PCDH7: variants seen among roughly 807,000 people sequenced by gnomAD.
The protein encoded by PCDH7 is protocadherin-7.
PCDH7 carries 17 observed loss-of-function variants against 58.9 expected under a neutral mutation model. The observed-to-expected ratio is 0.29, with a 90% CI of 0.20 to 0.43. The LOEUF is 0.43. Ranked by LOEUF, PCDH7 falls within the 20% of genes least tolerant of loss-of-function variation. PCDH7 has a pLI of 1.00. For synonymous variants in PCDH7, 664 were observed against 616.4 expected, an observed-to-expected ratio of 1.08 and a Z score of -1.14; for missense variants, 1,274 against 1,441.0, an observed-to-expected ratio of 0.88 and a Z score of 1.88.
chr4:30,843,476 G>A (rs1162485004), intron 1 of PCDH7, among the ~76,000 whole-genome samples: 1 of 152,124 alleles, frequency 6.6e-6, no homozygotes. Flanking sequence ...TTACAGGCGT[G>A]AGCCACTCCG....
chr4:30,923,094 ATTTGGATTTTCC>A, intron 2 of PCDH7, among the ~76,000 whole-genome samples: 1 of 152,212 alleles, frequency 6.6e-6, no homozygotes, highest in Admixed American at 6.5e-5. Flanking sequence ...TTGGATTTTC[ATTTGGATTTTCC>A]ATTAAAATAC....
At chr4:30,764,602 T>C (rs1720452277) in intron 1 of PCDH7, among the ~76,000 whole-genome samples, 1 of 152,204 alleles carries the variant, frequency 6.6e-6, no homozygotes, top group South Asian at 2.1e-4. Flanking sequence ...CTGTGTTAAC[T>C]TTGAAATACC....
At chr4:30,770,783 T>C (rs1184106731) in intron 1 of PCDH7, among the ~76,000 whole-genome samples, 1 of 152,214 alleles carries the variant, frequency 6.6e-6, no homozygotes, top group Non-Finnish European at 1.5e-5. Context: ...TTCCATTTGT[T>C]ATAACTGAAG....
Position 30,968,368 on chromosome 4 carries a change from T to TAC in PCDH7, c.*7+18160_*7+18161dup, listed in dbSNP as rs1433603042. Among the ~76,000 whole-genome samples the TAC allele has an allele frequency of 3.2e-4, 37 of 115,958 alleles. No homozygotes were observed. The East Asian group carries it at 3.5e-3, about 11-fold the overall frequency. The allele number at this position is 115,958 out of a possible 152,430, so 76.1% of individuals were successfully genotyped here. ...TATATATATACACACACTATATATA[T>TAC]ACACACACTATATATATATATATAT... On this transcript the variant is annotated intron_variant, in intron 3 of 3. Coordinates refer to the PCDH7 transcript ENST00000509759.
At chr4:30,884,561 C>G (rs1197177221) in intron 1 of PCDH7, 1 of 152,134 alleles carries the variant, frequency 6.6e-6, no homozygotes, top group Non-Finnish European at 1.5e-5. Flanking sequence ...TGACTGCCCT[C>G]TGATTTATGT....
At chr4:31,045,786 G>T (rs1756236350) in intron 3 of PCDH7, among the ~76,000 whole-genome samples, 1 of 151,968 alleles carries the variant, frequency 6.6e-6, no homozygotes, top group African/African-American at 2.4e-5. Context: ...CAAGTTTGAA[G>T]AACCAGTGTG....
chr4:30,874,894 A>T lies in PCDH7; in HGVS notation c.71-45259A>T, dbSNP rs563210581. The stretch of plus-strand genomic sequence containing the variant: ...GTTGGAGCTTTTATTATTATTATTT[A>T]TTATTCTTATTTTTACTGTGGCTCC... On this transcript the variant is annotated intron_variant, in intron 1 of 3. Coordinates refer to the PCDH7 transcript ENST00000509759. Among the ~76,000 whole-genome samples, 945 of 151,934 alleles carry T rather than the reference A, an allele frequency of 6.2e-3. 9 individuals carry two copies. The highest frequency in any genetic ancestry group is 1.0e-2 in the Non-Finnish European group (678 of 67,938).
intron 3 of PCDH7, among the ~76,000 whole-genome samples, chr4:31,081,405 C>T (rs1246772931): frequency 6.6e-6 from 1 of 152,104 alleles, no homozygotes; most frequent in East Asian, 1.9e-4. Flanking sequence ...ATATTATATG[C>T]ACATTTTGAT....
At chr4:30,764,460 A>G (rs1035500868) in intron 1 of PCDH7, among the ~76,000 whole-genome samples, 2 of 152,198 alleles carry the variant, frequency 1.3e-5, no homozygotes, top group Admixed American at 6.5e-5. Flanking sequence ...ATCATTTATC[A>G]TTTATCCCAA....
At chr4:30,926,324 A>G (rs928591120) in intron 2 of PCDH7, among the ~76,000 whole-genome samples, 1 of 152,014 alleles carries the variant, frequency 6.6e-6, no homozygotes. Context: ...AGCTGGGACT[A>G]TAGGCGCCCG....
At position 30,909,794 on chromosome 4, in the gene PCDH7, T is replaced by C. The variant is rs182683085; in HGVS notation, c.71-10359T>C. Among the ~76,000 whole-genome samples, 480 of 152,246 alleles carry C rather than the reference T, an allele frequency of 3.2e-3. 16 individuals are homozygous for C. The highest frequency in any genetic ancestry group is 0.026 in the Admixed American group (405 of 15,292). ...CAATGCTATTCCCATCAAGCTACCATTGACTTTCTTCACAGCATTAGAAAA... is the reference window on the plus strand; with the variant it reads ...CAATGCTATTCCCATCAAGCTACCACTGACTTTCTTCACAGCATTAGAAAA... On this transcript the variant is annotated intron_variant, in intron 1 of 3. Transcript: ENST00000509759.
chr4:31,043,561 G>A (rs1756055074), intron 3 of PCDH7, among the ~76,000 whole-genome samples: 1 of 152,072 alleles, frequency 6.6e-6, no homozygotes, highest in South Asian at 2.1e-4. Flanking sequence ...AGATATGTTT[G>A]TTGGCTGCAT....
intron 1 of PCDH7, among the ~76,000 whole-genome samples, chr4:30,876,468 T>C (rs1200209616): frequency 2.0e-5 from 3 of 152,066 alleles, no homozygotes; most frequent in Non-Finnish European, 4.4e-5. Flanking sequence ...TAAAAACATT[T>C]GTGTAGGTGG....
intron 1 of PCDH7, among the ~76,000 whole-genome samples, chr4:30,807,120 G>A (rs1365504143): frequency 3.9e-5 from 6 of 152,092 alleles, no homozygotes; most frequent in African/African-American, 1.4e-4. Context: ...ACATGTTTTT[G>A]GAAAATTGAG....
At chr4:30,889,768 C>T (rs1030487241) in intron 1 of PCDH7, among the ~76,000 whole-genome samples, 1 of 152,134 alleles carries the variant, frequency 6.6e-6, no homozygotes, top group Non-Finnish European at 1.5e-5. Context: ...TCAACCCATC[C>T]TCGTGACCTA....
chr4:31,120,210 C>T (rs927291262), intron 3 of PCDH7, among the ~76,000 whole-genome samples: 1 of 151,898 alleles, frequency 6.6e-6, no homozygotes. Context: ...TTTATTTTTT[C>T]CTTCCTGTTT....
chr4:31,046,181 G>A (rs11941871), intron 3 of PCDH7, among the ~76,000 whole-genome samples: 14,175 of 151,818 alleles, frequency 0.093, 1,012 homozygotes, highest in East Asian at 0.23. Context: ...GTCCAGTCTA[G>A]GCCTGTTTAA....
intron 3 of PCDH7, among the ~76,000 whole-genome samples, chr4:31,036,401 G>A (rs965484794): frequency 3.9e-5 from 6 of 152,212 alleles, no homozygotes; most frequent in African/African-American, 1.4e-4. Flanking sequence ...GGCCAGGCTG[G>A]TCTCAAACTC....
intron 3 of PCDH7, among the ~76,000 whole-genome samples, chr4:31,079,136 G>T (rs2109265158): frequency 6.6e-6 from 1 of 151,078 alleles, no homozygotes; most frequent in East Asian, 2.0e-4. Context: ...ATCACCTCAA[G>T]AATGAGGATG....
Sources: gnomAD v4.1 joint callset for allele counts (sites outside exome capture counted in the v4.1 genomes callset) on GRCh38, gnomAD v4.1.1 for gene constraint, MANE v1.5 for transcripts, NCBI Gene and HGNC (gene_info 2026-07-23, HGNC 2026-07-21) for gene names.